The following ARHGAP25 variants were observed in gnomAD, a reference collection of about 807,000 sequenced individuals.
ARHGAP25 encodes the protein rho GTPase-activating protein 25.
ARHGAP25 carries 34 observed loss-of-function variants against 71.0 expected under a neutral mutation model. The observed-to-expected ratio is 0.48, with a 90% CI of 0.36 to 0.64. The LOEUF is 0.64. ARHGAP25 is among the 30% of genes least tolerant of loss of function. The pLI is 0.00. For missense variants in ARHGAP25, 706 were observed against 805.1 expected (o/e 0.88, Z 1.49); for synonymous variants, 282 against 296.5 (o/e 0.95, Z 0.50).
chr2:68,787,780 C>G, intron 3 of ARHGAP25, 60 bp from the exon 4 acceptor site: 1 of 1,393,258 alleles, frequency 7.2e-7, no homozygotes, highest in Non-Finnish European at 1.0e-6. Context: ...CCCTTCTCTT[C>G]CCCTTGCTCT....
chr2:68,761,506 A>G (rs1212146997), intron 1 of ARHGAP25, among the ~76,000 whole-genome samples: 2 of 149,302 alleles, frequency 1.3e-5, no homozygotes, highest in Non-Finnish European at 3.0e-5. Flanking sequence ...TAATATCCAG[A>G]ATGTATAAAA....
At chr2:68,727,336 C>G (rs563777147) in intron 2 of ARHGAP25, among the ~76,000 whole-genome samples, 2 of 152,120 alleles carry the variant, frequency 1.3e-5, no homozygotes, top group African/African-American at 4.8e-5. Flanking sequence ...GATGTGGGTA[C>G]AAAAAGTATT....
At chr2:68,732,920 G>A (rs979674524), upstream of ARHGAP25, among the ~76,000 whole-genome samples, 1 of 152,188 alleles carries the variant, frequency 6.6e-6, no homozygotes, top group Non-Finnish European at 1.5e-5. Flanking sequence ...GTTTGAGATG[G>A]CTACTATAGA....
At chr2:68,773,556 T>A (rs1207609772) in intron 1 of ARHGAP25, among the ~76,000 whole-genome samples, 1 of 152,170 alleles carries the variant, frequency 6.6e-6, no homozygotes, top group African/African-American at 2.4e-5. Context: ...GGTTACAATG[T>A]TCAATATTTG....
intron 1 of ARHGAP25, among the ~76,000 whole-genome samples, chr2:68,769,066 T>G (rs1677313570): frequency 6.6e-6 from 1 of 152,160 alleles, no homozygotes. Flanking sequence ...CTCCTCCTTG[T>G]TCAGCAGGGG....
At chr2:68,757,361 A>C (rs1346450630) in intron 1 of ARHGAP25, among the ~76,000 whole-genome samples, 1 of 152,322 alleles carries the variant, frequency 6.6e-6, no homozygotes, top group South Asian at 2.1e-4. Context: ...ATCGAGATAC[A>C]CTATAATCAA....
intron 1 of ARHGAP25, among the ~76,000 whole-genome samples, chr2:68,736,701 T>A (rs1054677941): frequency 6.6e-6 from 1 of 152,220 alleles, no homozygotes; most frequent in Non-Finnish European, 1.5e-5. Context: ...TTCATGATTT[T>A]TACCAATGTT....
At chr2:68,793,559 G>C (rs1226924244) in intron 4 of ARHGAP25, among the ~76,000 whole-genome samples, 2 of 152,026 alleles carry the variant, frequency 1.3e-5, no homozygotes, top group Non-Finnish European at 2.9e-5. Context: ...TGTTCTTATA[G>C]ACTTTGTCAA....
Position 68,775,401 on chromosome 2 carries a change from A to C in ARHGAP25, c.242A>C (p.Glu81Ala), listed in dbSNP as rs986582031. The stretch of plus-strand genomic sequence containing the variant: ...CAGCAGCTCTACTACTACAAGGATG[A>C]AGAGGACACGAAGCCCCAGGTACCA... ...RAQQLYYYKD[E>A]EDTKPQGCMY... The change falls in exon 2 of 11, where the codon GAA (glutamate) becomes GCA (alanine). Residue 81 changes from glutamate to alanine, a missense_variant. Transcript: ENST00000409202. 2 of 1,614,250 alleles carry C rather than the reference A, an allele frequency of 1.2e-6. No individual in the cohort carries two copies. The highest frequency in any genetic ancestry group is 1.7e-6 in the Non-Finnish European group (2 of 1,180,042).
At chr2:68,761,581 A>T (rs4416252) in intron 1 of ARHGAP25, among the ~76,000 whole-genome samples, 2 of 151,784 alleles carry the variant, frequency 1.3e-5, no homozygotes, top group Non-Finnish European at 2.9e-5. Flanking sequence ...CAAAGGACTC[A>T]AATAGACATT....
chr2:68,775,528 C>A, intron 2 of ARHGAP25, 108 bp downstream of exon 2: 1 of 1,525,578 alleles, frequency 6.6e-7, no homozygotes, highest in Non-Finnish European at 9.0e-7. Context: ...GGACCAGACA[C>A]ACCCATTGGA....
intron 1 of ARHGAP25, among the ~76,000 whole-genome samples, chr2:68,755,672 C>A (rs1573444696): frequency 6.6e-6 from 1 of 152,108 alleles, no homozygotes; most frequent in East Asian, 1.9e-4. Context: ...AGTCTGAGTA[C>A]AACTTCTACC....
rs147483610 is a variant in ARHGAP25 at position 68,808,023 on chromosome 2, C to T, written c.674+543C>T. Among the ~76,000 whole-genome samples the T allele has an allele frequency of 3.9e-3, 595 of 152,284 alleles. 2 individuals are homozygous for T. Among genetic ancestry groups the T allele is most frequent in the African/African-American group, 0.014 (564 of 41,546 alleles). On this transcript the variant is annotated intron_variant, in intron 5 of 10. Transcript: ENST00000409202. ...CAGGAGCACATCCTGATATCTTGGC[C>T]GCCTGGCATTCCTAAGTGTGGAGGT...
Position 68,823,698 on chromosome 2 carries a change from C to G in ARHGAP25, c.1733+826C>G, listed in dbSNP as rs546895614. Reference sequence around the variant, plus strand: ...GCCACTGCAAAGCCTGAGTAAGAAGCTTCGGGGTGGTTTCAACCTGGTTTA... The same window carrying G: ...GCCACTGCAAAGCCTGAGTAAGAAGGTTCGGGGTGGTTTCAACCTGGTTTA... On this transcript the variant is annotated intron_variant, in intron 10 of 10. Transcript: ENST00000409202. Among the ~76,000 whole-genome samples, 34 of 152,240 alleles carry G rather than the reference C, an allele frequency of 2.2e-4. No homozygotes were observed. In the South Asian group the frequency reaches 2.5e-3, roughly 11 times the overall value.
intron 9 of ARHGAP25, among the ~76,000 whole-genome samples, chr2:68,821,629 T>C (rs777028911): frequency 9.9e-5 from 15 of 152,198 alleles, no homozygotes; most frequent in Non-Finnish European, 1.9e-4. Flanking sequence ...ACCAACAGAG[T>C]TTGTTGTCAA....
intron 3 of ARHGAP25, among the ~76,000 whole-genome samples, chr2:68,785,815 A>T (rs897125753): frequency 7.2e-5 from 11 of 152,192 alleles, no homozygotes; most frequent in African/African-American, 2.4e-4. Flanking sequence ...ATTTCCAACA[A>T]GAGAAATAGC....
intron 2 of ARHGAP25, 24 bp downstream of exon 2, chr2:68,775,444 G>T (rs370261191): frequency 1.2e-5 from 19 of 1,613,758 alleles, no homozygotes; most frequent in Non-Finnish European, 1.5e-5. Context: ...TGTTTGTCCC[G>T]TTCATAAGGC....
At chr2:68,743,581 A>G (rs2104296722) in intron 1 of ARHGAP25, among the ~76,000 whole-genome samples, 1 of 152,308 alleles carries the variant, frequency 6.6e-6, no homozygotes, top group East Asian at 1.9e-4. Context: ...AGAAGCCAGA[A>G]ATCCACTTTA....
chr2:68,814,604 C>T (rs1439014310), intron 6 of ARHGAP25, among the ~76,000 whole-genome samples: 1 of 152,054 alleles, frequency 6.6e-6, no homozygotes, highest in Non-Finnish European at 1.5e-5. Context: ...TTCCACACTT[C>T]AAAATTTATT....
Sources: gnomAD v4.1 joint callset for allele counts (sites outside exome capture counted in the v4.1 genomes callset) on GRCh38, gnomAD v4.1.1 for gene constraint, MANE v1.5 for transcripts, NCBI Gene and HGNC (gene_info 2026-07-23, HGNC 2026-07-21) for gene names.